RELN: variants seen among roughly 807,000 people sequenced by gnomAD.
RELN encodes reelin.
RELN carries 108 observed loss-of-function variants against 427.6 expected under a neutral mutation model. The ratio of observed to expected loss-of-function variants is 0.25; its 90% CI spans 0.22 to 0.30. The LOEUF is 0.30. RELN is among the 10% of genes least tolerant of loss of function. The pLI is 1.00. For missense variants in RELN, 3,715 were observed against 4,302.8 expected, an observed-to-expected ratio of 0.86 and a Z score of 3.82; for synonymous variants, 1,524 against 1,513.4, an observed-to-expected ratio of 1.01 and a Z score of -0.16.
chr7:103,784,301 G>A (rs769542733), intron 3 of RELN, among the ~76,000 whole-genome samples: 4 of 152,046 alleles, frequency 2.6e-5, no homozygotes, highest in Non-Finnish European at 5.9e-5. Context: ...TTTATTTCAG[G>A]AGAAAATAAC....
chr7:103,893,328 G>C (rs1256573368), intron 2 of RELN, among the ~76,000 whole-genome samples: 1 of 152,040 alleles, frequency 6.6e-6, no homozygotes, highest in African/African-American at 2.4e-5. Context: ...TCCAGCTCTT[G>C]ATCTCCTTTA....
chr7:103,569,320 C>G lies in RELN; in HGVS notation c.4589-2561G>C, dbSNP rs1830829413. On this transcript the variant is annotated intron_variant, in intron 31 of 64. Transcript: ENST00000428762. This position sits in a 1 kb window ranked among gnomAD's most constrained non-coding sequence, Gnocchi z 4.0. ...ATCACCTAGCCCTGGCTAAGTCTTC[C>G]AGTGACTGCACCCCTCCTGGCTTTT... Among the ~76,000 whole-genome samples the G allele has an allele frequency of 6.6e-6, 1 of 152,208 alleles. No homozygotes were observed. Among genetic ancestry groups the G allele is most frequent in the African/African-American group, 2.4e-5 (1 of 41,458 alleles).
chr7:103,615,439 C>T (rs1208070821), intron 20 of RELN, among the ~76,000 whole-genome samples: 1 of 152,192 alleles, frequency 6.6e-6, no homozygotes, highest in Non-Finnish European at 1.5e-5. Context: ...AGCCTGTCCA[C>T]AGGGAGGGAT....
At chr7:103,723,093 G>A (rs1375587237) in intron 8 of RELN, 47 bp downstream of exon 8, 2 of 1,216,996 alleles carry the variant, frequency 1.6e-6, no homozygotes, top group Non-Finnish European at 2.4e-6. Flanking sequence ...TATGTTTAAA[G>A]CAAACATTTC....
intron 24 of RELN, among the ~76,000 whole-genome samples, chr7:103,600,001 A>G (rs1310753133): frequency 6.6e-6 from 1 of 152,128 alleles, no homozygotes; most frequent in Non-Finnish European, 1.5e-5. Flanking sequence ...GGCTCAAGCG[A>G]TCCTTCTGCC....
At chr7:103,536,673 T>C (rs1830059031) in intron 45 of RELN, among the ~76,000 whole-genome samples, 1 of 152,202 alleles carries the variant, frequency 6.6e-6, no homozygotes, top group Non-Finnish European at 1.5e-5. Flanking sequence ...TCTTGAAATG[T>C]TCTTTTATTT....
At chr7:103,478,254 T>C in intron 64 of RELN, 135 bp downstream of exon 64, 1 of 615,118 alleles carries the variant, frequency 1.6e-6, no homozygotes, top group Non-Finnish European at 2.9e-6. Context: ...TATACCAGTA[T>C]CATTTATTAC....
intron 41 of RELN, among the ~76,000 whole-genome samples, chr7:103,550,314 C>T (rs1332687534): frequency 6.6e-6 from 1 of 152,126 alleles, no homozygotes; most frequent in Non-Finnish European, 1.5e-5. Context: ...GAATATAAAT[C>T]TATTTCCATC....
chr7:103,795,672 G>A (rs1251944436), intron 3 of RELN, among the ~76,000 whole-genome samples: 1 of 152,150 alleles, frequency 6.6e-6, no homozygotes, highest in Non-Finnish European at 1.5e-5. Flanking sequence ...CAGGTTAAAG[G>A]TATAGTCAAA....
At chr7:103,793,793 C>T (rs1269541849) in intron 3 of RELN, among the ~76,000 whole-genome samples, 7 of 152,130 alleles carry the variant, frequency 4.6e-5, no homozygotes, top group African/African-American at 1.2e-4. Context: ...TTGAGGCAGA[C>T]TCTTGCTTTG....
intron 3 of RELN, among the ~76,000 whole-genome samples, chr7:103,821,906 T>G (rs931287730): frequency 3.0e-4 from 45 of 152,170 alleles, no homozygotes; most frequent in African/African-American, 9.9e-4. Flanking sequence ...CTTCTATAAA[T>G]ACTAATAGTG....
intron 50 of RELN, 49 bp downstream of exon 50, chr7:103,515,136 A>G: frequency 6.2e-7 from 1 of 1,613,150 alleles, no homozygotes; most frequent in Non-Finnish European, 8.5e-7. Context: ...CCAAATCCAA[A>G]CCACTGCATT....
chr7:103,972,051 C>A (rs545438677), intron 1 of RELN, among the ~76,000 whole-genome samples: 2 of 151,706 alleles, frequency 1.3e-5, no homozygotes, highest in Non-Finnish European at 2.9e-5. Context: ...CCAGCCTGGG[C>A]GACAGAGCGA....
intron 2 of RELN, among the ~76,000 whole-genome samples, chr7:103,913,403 G>A (rs190738186): frequency 3.9e-4 from 59 of 152,248 alleles, no homozygotes; most frequent in African/African-American, 1.4e-3. Context: ...CCTGTGATAT[G>A]TTGGGGAAAT....
At chr7:103,597,035 T>C (rs1161497827) in intron 24 of RELN, among the ~76,000 whole-genome samples, 1 of 152,258 alleles carries the variant, frequency 6.6e-6, no homozygotes, top group African/African-American at 2.4e-5. Context: ...TGAAATCTGT[T>C]GGAGCTGGGT....
chr7:103,741,426 G>A (rs1790651909), intron 6 of RELN, among the ~76,000 whole-genome samples: 1 of 151,896 alleles, frequency 6.6e-6, no homozygotes, highest in East Asian at 1.9e-4. Context: ...AAAATGCAAT[G>A]AAGGAAGACT....
intron 12 of RELN, among the ~76,000 whole-genome samples, chr7:103,661,114 G>A (rs1283855254): frequency 2.0e-5 from 3 of 152,114 alleles, no homozygotes; most frequent in African/African-American, 7.2e-5. Flanking sequence ...TGACCATGGA[G>A]GGAGAGGTGG....
chr7:103,530,462 C>T (rs903864075), intron 46 of RELN, among the ~76,000 whole-genome samples: 3 of 152,204 alleles, frequency 2.0e-5, no homozygotes, highest in South Asian at 2.1e-4. Context: ...GCACCCTCCT[C>T]TTATGTGAAT....
intron 2 of RELN, among the ~76,000 whole-genome samples, chr7:103,870,742 A>C (rs981663244): frequency 6.6e-6 from 1 of 151,770 alleles, no homozygotes; most frequent in Non-Finnish European, 1.5e-5. Context: ...TTTGTTCTCA[A>C]CCCTGTAGCA....
Sources: allele counts gnomAD v4.1 joint callset (sites outside exome capture counted in the v4.1 genomes callset), GRCh38; gene constraint gnomAD v4.1.1; non-coding constraint Gnocchi (gnomAD v3.1); transcripts MANE v1.5; gene names NCBI Gene and HGNC (gene_info 2026-07-23, HGNC 2026-07-21).